NCALD: variants seen among roughly 807,000 people sequenced by gnomAD.
NCALD encodes neurocalcin delta.
Under a neutral mutation model 18.6 loss-of-function variants are expected in NCALD, and 10 were observed. That is an observed-to-expected ratio of 0.54 (90% confidence interval 0.33 to 0.91). The LOEUF (loss-of-function observed/expected upper bound fraction) is 0.91. NCALD is among the 40% of genes least tolerant of loss of function. The probability of loss-of-function intolerance (pLI) is 0.03; values close to 1 mark genes in which losing one functional copy is unlikely to be tolerated. For missense variants in NCALD, 184 were observed against 247.6 expected, an observed-to-expected ratio of 0.74 and a Z score of 1.72; for synonymous variants, 88 against 87.4, an observed-to-expected ratio of 1.01 and a Z score of -0.04.
intron 2 of NCALD, among the ~76,000 whole-genome samples, chr8:101,942,950 C>G (rs1483922596): frequency 6.6e-6 from 1 of 152,156 alleles, no homozygotes; most frequent in Non-Finnish European, 1.5e-5. Context: ...ATATGACATG[C>G]AAGTGGCTGA....
At position 102,066,993 on chromosome 8, in the gene NCALD, T is replaced by C. The variant is rs181713511; in HGVS notation, c.-209-46704A>G. ...ATTTCTACTAATTCTAACAGAGATATTGGGTGAAAATGGCCTGGTTCAGAA... is the reference window on the plus strand; with the variant it reads ...ATTTCTACTAATTCTAACAGAGATACTGGGTGAAAATGGCCTGGTTCAGAA... On this transcript the variant is annotated intron_variant, in intron 1 of 6. Transcript: ENST00000311028. 2.8e-3 allele frequency among the ~76,000 whole-genome samples: 425 copies of C among 152,338 alleles called. 1 individual carries two copies. The highest frequency in any genetic ancestry group is 7.2e-3 in the Admixed American group (110 of 15,298).
chr8:101,925,126 G>A (rs1818291364), intron 2 of NCALD, among the ~76,000 whole-genome samples: 1 of 152,076 alleles, frequency 6.6e-6, no homozygotes, highest in South Asian at 2.1e-4. Flanking sequence ...CTAAATGAGG[G>A]TTAAGTCAAT....
rs1216597425 is a variant in NCALD at position 101,804,591 on chromosome 8, A to G, written c.-20+82550T>C. 3.8e-5 allele frequency among the ~76,000 whole-genome samples: 5 copies of G among 131,262 alleles called. No homozygotes were observed. In the Admixed American group the frequency reaches 4.1e-4, roughly 11 times the overall value. 86.1% of individuals were successfully genotyped at this position (131,262 alleles called of 152,430 possible). ...TAATTAATATAATTAATTATATAAT[A>G]TATAATTAATATAATTAATTATATA... On this transcript the variant is annotated intron_variant, in intron 4 of 6. Transcript: ENST00000311028.
intron 2 of NCALD, among the ~76,000 whole-genome samples, chr8:101,920,492 G>T (rs970510451): frequency 6.6e-6 from 1 of 152,076 alleles, no homozygotes; most frequent in Non-Finnish European, 1.5e-5. Context: ...CCCATCAATG[G>T]TGAATTAGAT....
chr8:102,050,774 T>C (rs1488105001), intron 1 of NCALD, among the ~76,000 whole-genome samples: 1 of 146,326 alleles, frequency 6.8e-6, no homozygotes, highest in African/African-American at 2.5e-5. Flanking sequence ...TAATTTTATT[T>C]TTAATTTAAT....
At chr8:101,935,783 C>CT (rs35929551) in intron 2 of NCALD, among the ~76,000 whole-genome samples, 2,853 of 103,400 alleles carry the variant, frequency 0.028, 73 homozygotes, top group African/African-American at 0.056. Context: ...TCAAGAGATT[C>CT]TTTTTTTTTT....
rs1821554581 is a variant in NCALD at position 102,000,019 on chromosome 8, G to T, written c.-157+20218C>A. 2.0e-5 allele frequency among the ~76,000 whole-genome samples: 3 copies of T among 152,208 alleles called. No individual in the cohort carries two copies. In the South Asian group the frequency reaches 6.2e-4, roughly 32 times the overall value. On this transcript the variant is annotated intron_variant, in intron 2 of 6. Coordinates refer to the NCALD transcript ENST00000311028. ...GAGGTACCGGGTGTATCTCACTGGG[G>T]ATTGTCGGACAGTGGGTGCAGGACA... is the stretch of plus-strand genomic sequence containing the variant.
chr8:101,904,366 A>C (rs1817540754), intron 3 of NCALD, among the ~76,000 whole-genome samples: 1 of 152,166 alleles, frequency 6.6e-6, no homozygotes, highest in African/African-American at 2.4e-5. Context: ...AAAAGAAATA[A>C]AAGGTCTTCC....
intron 4 of NCALD, among the ~76,000 whole-genome samples, chr8:101,828,044 G>A (rs1424570773): frequency 6.6e-6 from 1 of 152,184 alleles, no homozygotes; most frequent in Admixed American, 6.5e-5. Flanking sequence ...CATAGCAATT[G>A]AGCATGCAAA....
rs1563652935 is a variant in NCALD, at chr8:101,689,452, T to G, written c.485-46A>C. The G allele has an allele frequency of 3.8e-5, 55 of 1,452,280 alleles. No homozygotes were observed. Among genetic ancestry groups the G allele is most frequent in the Non-Finnish European group, 5.2e-5 (55 of 1,054,190 alleles). 90.0% of individuals were successfully genotyped at this position (1,452,280 alleles called of 1,614,324 possible). On this transcript the variant is annotated intron_variant, in intron 3 of 3. Coordinates refer to ENST00000220931, the MANE Select transcript of NCALD (RefSeq NM_032041.3). This position sits in a 1 kb window ranked among gnomAD's most constrained non-coding sequence, Gnocchi z 4.4. Reference sequence around the variant, plus strand: ...TGAGTGGTGGCTGGTGGCAGCTGCATGAGCTTACACCCTTCCCACTACTGC... The same window carrying G: ...TGAGTGGTGGCTGGTGGCAGCTGCAGGAGCTTACACCCTTCCCACTACTGC...
At chr8:101,948,565 G>A (rs1393057033) in intron 2 of NCALD, among the ~76,000 whole-genome samples, 2 of 152,284 alleles carry the variant, frequency 1.3e-5, no homozygotes, top group South Asian at 4.1e-4. Flanking sequence ...GCATATAGAT[G>A]GTGATTAAAA....
chr8:101,831,531 C>T (rs1033666111), intron 4 of NCALD, among the ~76,000 whole-genome samples: 1 of 152,182 alleles, frequency 6.6e-6, no homozygotes, highest in Admixed American at 6.5e-5. Context: ...GCCCCCTCCC[C>T]ATTTTTATAC....
intron 1 of NCALD, among the ~76,000 whole-genome samples, chr8:102,117,673 ATGT>A (rs1053162094): frequency 2.0e-5 from 3 of 152,156 alleles, no homozygotes; most frequent in Admixed American, 6.5e-5. Flanking sequence ...ATTCAAGGAC[ATGT>A]TGTCACTCCC....
At chr8:101,997,664 C>T (rs1256719445) in intron 2 of NCALD, among the ~76,000 whole-genome samples, 1 of 152,138 alleles carries the variant, frequency 6.6e-6, no homozygotes, top group East Asian at 1.9e-4. Flanking sequence ...ATTTTCAGGT[C>T]GCTCCACTGA....
chr8:101,930,724 G>A (rs1437266685), intron 2 of NCALD, among the ~76,000 whole-genome samples: 1 of 152,144 alleles, frequency 6.6e-6, no homozygotes, highest in Non-Finnish European at 1.5e-5. Context: ...CACTGGAATT[G>A]TATGGGGTCT....
At chr8:101,765,962 C>T (rs966736705) in intron 1 of NCALD, among the ~76,000 whole-genome samples, 5 of 152,214 alleles carry the variant, frequency 3.3e-5, no homozygotes, top group Non-Finnish European at 7.3e-5. Context: ...CCTTGTTTCT[C>T]ATATAGAAAA....
At chr8:101,951,127 A>C (rs556475079) in intron 2 of NCALD, among the ~76,000 whole-genome samples, 53 of 152,304 alleles carry the variant, frequency 3.5e-4, no homozygotes, top group African/African-American at 1.3e-3. Flanking sequence ...GGTTTTGGGA[A>C]TAGGTCACAG....
chr8:101,766,855 A>G (rs1811369031), intron 1 of NCALD, among the ~76,000 whole-genome samples: 1 of 152,236 alleles, frequency 6.6e-6, no homozygotes, highest in Non-Finnish European at 1.5e-5. Context: ...CTGGGATTAC[A>G]AGCGTAAGTC....
At chr8:102,091,437 T>A (rs1211922845) in intron 1 of NCALD, among the ~76,000 whole-genome samples, 1 of 152,228 alleles carries the variant, frequency 6.6e-6, no homozygotes, top group Non-Finnish European at 1.5e-5. Context: ...CAACCAATGA[T>A]CTCTGACTGC....
Sources: gnomAD v4.1 joint callset for allele counts (sites outside exome capture counted in the v4.1 genomes callset) on GRCh38, gnomAD v4.1.1 for gene constraint, Gnocchi (gnomAD v3.1) non-coding constraint, MANE v1.5 for transcripts, NCBI Gene and HGNC (gene_info 2026-07-23, HGNC 2026-07-21) for gene names.